The following CCSER1 variants were observed in gnomAD, a reference collection of about 807,000 sequenced individuals.
The protein encoded by CCSER1 is serine-rich coiled-coil domain-containing protein 1.
In CCSER1, 41 loss-of-function variants were observed where a neutral mutation model predicts 82.0. The ratio of observed to expected loss-of-function variants is 0.50; its 90% CI spans 0.39 to 0.65. The LOEUF is 0.65. Ranked by LOEUF, CCSER1 falls within the 30% of genes least tolerant of loss-of-function variation. CCSER1 has a pLI of 0.00. For synonymous variants in CCSER1, 414 were observed against 383.9 expected (o/e 1.08, Z -0.92); for missense variants, 1,119 against 1,064.2 (o/e 1.05, Z -0.72).
chr4:90,532,851 T>G (rs1774747255), intron 5 of CCSER1, among the ~76,000 whole-genome samples: 1 of 152,286 alleles, frequency 6.6e-6, no homozygotes, highest in Admixed American at 6.5e-5. Flanking sequence ...CCTCCTCTAC[T>G]TCTCCCAAGT....
intron 6 of CCSER1, among the ~76,000 whole-genome samples, chr4:90,659,523 A>G (rs1461041923): frequency 1.3e-5 from 2 of 152,168 alleles, no homozygotes; most frequent in Middle Eastern, 6.8e-3. Flanking sequence ...ACCACCACCA[A>G]CATCACCACT....
chr4:90,932,907 G>GGAGA (rs1491134165), intron 9 of CCSER1, among the ~76,000 whole-genome samples: 1 of 50,212 alleles, frequency 2.0e-5, no homozygotes, highest in Non-Finnish European at 3.7e-5. Context: ...GGAGAAAGAA[G>GGAGA]GAGAAAGAAA....
rs968103226 is a variant in CCSER1 at position 90,616,728 on chromosome 4, C to A, written c.1725-11297C>A. On this transcript the variant is annotated intron_variant, in intron 5 of 10. Coordinates refer to ENST00000509176, the MANE Select transcript of CCSER1 (RefSeq NM_001145065.2). ...ACACACACACACACACACACACACA[C>A]ACACACACACAAATAAAATAAAATA... 4.5e-3 allele frequency among the ~76,000 whole-genome samples: 434 copies of A among 95,446 alleles called. 1 individual carries two copies. Among genetic ancestry groups the A allele is most frequent in the African/African-American group, 0.017 (417 of 25,002 alleles). 62.6% of individuals were successfully genotyped at this position (95,446 alleles called of 152,430 possible).
chr4:91,153,914 GC>G, intron 10 of CCSER1, among the ~76,000 whole-genome samples: 1 of 152,006 alleles, frequency 6.6e-6, no homozygotes. Flanking sequence ...GTGTCAGTCG[GC>G]CCCTACTGGG....
intron 10 of CCSER1, among the ~76,000 whole-genome samples, chr4:91,390,914 G>T (rs1751606283): frequency 6.6e-6 from 1 of 151,986 alleles, no homozygotes; most frequent in Non-Finnish European, 1.5e-5. Context: ...GAGGTCTGTA[G>T]TTATATCTCC....
chr4:90,999,213 G>A (rs1737779957), intron 9 of CCSER1, among the ~76,000 whole-genome samples: 1 of 152,118 alleles, frequency 6.6e-6, no homozygotes, highest in African/African-American at 2.4e-5. Context: ...TCCCTTTACG[G>A]TAGAACTATT....
At chr4:91,151,137 C>T (rs778741460) in intron 10 of CCSER1, among the ~76,000 whole-genome samples, 1 of 152,110 alleles carries the variant, frequency 6.6e-6, no homozygotes, top group Non-Finnish European at 1.5e-5. Context: ...ATTATTGCCT[C>T]AATTTCAGAG....
At chr4:90,805,178 A>G (rs1375491991) in intron 7 of CCSER1, among the ~76,000 whole-genome samples, 2 of 152,190 alleles carry the variant, frequency 1.3e-5, no homozygotes, top group Admixed American at 6.6e-5. Flanking sequence ...ACAATTTTCT[A>G]TGTCAAGAAC....
chr4:90,622,930 T>A (rs929827442), intron 5 of CCSER1, among the ~76,000 whole-genome samples: 1 of 152,138 alleles, frequency 6.6e-6, no homozygotes, highest in African/African-American at 2.4e-5. Flanking sequence ...CAGCACCTGT[T>A]GTTTCCTGAC....
intron 5 of CCSER1, among the ~76,000 whole-genome samples, chr4:90,593,671 T>C (rs1782972339): frequency 1.8e-5 from 2 of 112,118 alleles, no homozygotes; most frequent in Admixed American, 1.5e-4. Context: ...CCTTTTGCAC[T>C]GTATATATTA....
chr4:90,822,121 A>G (rs1759805544), intron 8 of CCSER1, among the ~76,000 whole-genome samples: 1 of 152,228 alleles, frequency 6.6e-6, no homozygotes, highest in Admixed American at 6.5e-5. Flanking sequence ...TAAATTACAA[A>G]TGAAAACATA....
chr4:90,272,752 C>T (rs1458783694), intron 1 of CCSER1, among the ~76,000 whole-genome samples: 2 of 152,162 alleles, frequency 1.3e-5, no homozygotes, highest in African/African-American at 4.8e-5. Context: ...CCTGTAATCC[C>T]AGCACTTTGG....
chr4:91,402,398 A>T (rs1356102843), intron 10 of CCSER1, among the ~76,000 whole-genome samples: 2 of 152,152 alleles, frequency 1.3e-5, no homozygotes, highest in Non-Finnish European at 2.9e-5. Flanking sequence ...CTTTAGTTTA[A>T]TTAGATCCCA....
chr4:90,198,256 C>T (rs560582147), intron 1 of CCSER1, among the ~76,000 whole-genome samples: 2 of 151,994 alleles, frequency 1.3e-5, no homozygotes, highest in South Asian at 4.1e-4. Context: ...TTTTTCTAAT[C>T]ATATGGCTGG....
At chr4:90,483,046 C>G (rs1278363517) in intron 5 of CCSER1, among the ~76,000 whole-genome samples, 1 of 152,178 alleles carries the variant, frequency 6.6e-6, no homozygotes. Context: ...CTTTATGAAT[C>G]TGAGTGCTCC....
At chr4:91,244,644 A>G (rs1739623483) in intron 10 of CCSER1, among the ~76,000 whole-genome samples, 1 of 152,172 alleles carries the variant, frequency 6.6e-6, no homozygotes, top group Admixed American at 6.5e-5. Flanking sequence ...AGTCCCTTCA[A>G]CTCCTGGAAA....
At chr4:90,937,585 T>C (rs1303211798) in intron 9 of CCSER1, among the ~76,000 whole-genome samples, 1 of 151,960 alleles carries the variant, frequency 6.6e-6, no homozygotes, top group Non-Finnish European at 1.5e-5. Flanking sequence ...GCTGCTAAAA[T>C]TGTACCCTCC....
At chr4:90,645,354 G>T (rs1283780415) in intron 6 of CCSER1, among the ~76,000 whole-genome samples, 1 of 152,052 alleles carries the variant, frequency 6.6e-6, no homozygotes, top group Non-Finnish European at 1.5e-5. Context: ...TGCTTTTCTT[G>T]CAAGGAATTC....
intron 1 of CCSER1, among the ~76,000 whole-genome samples, chr4:90,140,531 T>C (rs145453409): frequency 0.034 from 5,252 of 152,248 alleles, 129 homozygotes; most frequent in South Asian, 0.06. Context: ...TTTTTTGACA[T>C]GAAGACAAAC....
Sources: gnomAD v4.1 joint callset for allele counts (sites outside exome capture counted in the v4.1 genomes callset) on GRCh38, gnomAD v4.1.1 for gene constraint, MANE v1.5 for transcripts, NCBI Gene and HGNC (gene_info 2026-07-23, HGNC 2026-07-21) for gene names.